Variants in PDSS1 observed in about 807,000 individuals in gnomAD.
The protein encoded by PDSS1 is all trans-polyprenyl-diphosphate synthase PDSS1.
PDSS1 carries 43 observed loss-of-function variants against 57.5 expected under a neutral mutation model. The observed-to-expected ratio is 0.75, with a 90% CI of 0.59 to 0.96. The LOEUF is 0.96. PDSS1 is among the 50% of genes least tolerant of loss of function. The pLI is 0.00. For synonymous variants in PDSS1, 175 were observed against 191.3 expected, an observed-to-expected ratio of 0.91 and a Z score of 0.70; for missense variants, 438 against 527.8, an observed-to-expected ratio of 0.83 and a Z score of 1.67.
intron 8 of PDSS1, among the ~76,000 whole-genome samples, 167 bp from the exon 9 acceptor site, chr10:26,735,073 G>A (rs1309788365): frequency 6.6e-6 from 1 of 152,178 alleles, no homozygotes; most frequent in African/African-American, 2.4e-5. Context: ...ATTCTTGACT[G>A]GAAATGCGGT....
At chr10:26,698,828 C>G (rs1195362970) in intron 1 of PDSS1, among the ~76,000 whole-genome samples, 2 of 152,104 alleles carry the variant, frequency 1.3e-5, no homozygotes, top group Non-Finnish European at 2.9e-5. Context: ...ACAAATTATC[C>G]AAAACAAGGC....
At chr10:26,735,124 G>A (rs1836346253) in intron 8 of PDSS1, 116 bp from the exon 9 acceptor site, 1 of 777,296 alleles carries the variant, frequency 1.3e-6, no homozygotes, top group Non-Finnish European at 2.4e-6. Flanking sequence ...AGCATCTCCT[G>A]AGTGTGTATA....
chr10:26,724,139 C>T lies in PDSS1; in HGVS notation c.831+16C>T. On this transcript the variant is annotated intron_variant, in intron 8 of 11. Transcript: ENST00000376215. The stretch of plus-strand genomic sequence containing the variant: ...TTGTAAAGCAGTATGTACGTTCTGT[C>T]TTTCTTCAAGTTAAAGCCTCATAGC... 1 of 1,540,826 alleles carries T rather than the reference C, an allele frequency of 6.5e-7. No individual in the cohort carries two copies. Among genetic ancestry groups the T allele is most frequent in the Non-Finnish European group, 9.0e-7 (1 of 1,113,128 alleles).
chr10:26,728,524 A>C (rs1245478807), intron 8 of PDSS1, among the ~76,000 whole-genome samples: 2 of 152,094 alleles, frequency 1.3e-5, no homozygotes, highest in Admixed American at 6.6e-5. Context: ...AGGTTTCTTC[A>C]ATCTAAAATT....
At chr10:26,738,166 A>G (rs1181226838) in intron 10 of PDSS1, among the ~76,000 whole-genome samples, 1 of 152,246 alleles carries the variant, frequency 6.6e-6, no homozygotes, top group Non-Finnish European at 1.5e-5. Context: ...TAATTCAGGT[A>G]AAAACAAGTT....
intron 10 of PDSS1, chr10:26,740,853 G>T: frequency 2.9e-6 from 1 of 341,372 alleles, no homozygotes; most frequent in Non-Finnish European, 5.9e-6. Flanking sequence ...GATCTAGGAA[G>T]TGAAGTGATT....
At chr10:26,721,484 G>A (rs1835784491) in intron 6 of PDSS1, among the ~76,000 whole-genome samples, 1 of 150,984 alleles carries the variant, frequency 6.6e-6, no homozygotes, top group South Asian at 2.1e-4. Flanking sequence ...ATCTTCACAT[G>A]CTGGTTTTAT....
At chr10:26,707,152 A>G (rs1449139100) in intron 4 of PDSS1, among the ~76,000 whole-genome samples, 1 of 152,084 alleles carries the variant, frequency 6.6e-6, no homozygotes, top group Non-Finnish European at 1.5e-5. Flanking sequence ...GAGCATGCTC[A>G]GTGTGTTTAC....
chr10:26,736,619 C>G (rs891257486), intron 10 of PDSS1, among the ~76,000 whole-genome samples: 1 of 152,102 alleles, frequency 6.6e-6, no homozygotes, highest in African/African-American at 2.4e-5. Context: ...TAGCCATTGG[C>G]AGCATGATTC....
chr10:26,703,898 G>A (rs564049912), intron 2 of PDSS1, among the ~76,000 whole-genome samples: 3 of 151,710 alleles, frequency 2.0e-5, no homozygotes, highest in East Asian at 1.9e-4. Context: ...TGGCTAACAC[G>A]GTGAAACCCC....
rs1836895212 is a variant in PDSS1 at position 26,746,256 on chromosome 10, A to G, written c.1108-77A>G. 4 of 1,411,188 alleles carry G rather than the reference A, an allele frequency of 2.8e-6. No homozygotes were observed. In the Admixed American group the frequency reaches 5.0e-5, roughly 18 times the overall value. 87.4% of individuals were successfully genotyped at this position (1,411,188 alleles called of 1,614,324 possible). On this transcript the variant is annotated intron_variant, in intron 11 of 11. Coordinates refer to ENST00000376215, the MANE Select transcript of PDSS1 (RefSeq NM_014317.5). ...CATCTGATCTCAAAACTATGTGTTC[A>G]TTTATTATAGCAGGAAGTTAAAACG...
intron 11 of PDSS1, among the ~76,000 whole-genome samples, chr10:26,744,639 G>A (rs1426180233): frequency 1.3e-5 from 2 of 151,874 alleles, no homozygotes; most frequent in African/African-American, 2.4e-5. Context: ...CGCCCGCCTC[G>A]GCCTCCCAAA....
At chr10:26,745,596 C>T (rs1038693398) in intron 11 of PDSS1, among the ~76,000 whole-genome samples, 7 of 152,126 alleles carry the variant, frequency 4.6e-5, no homozygotes, top group African/African-American at 1.4e-4. Flanking sequence ...CCTGTAATCC[C>T]AGCACTTTGG....
intron 2 of PDSS1, among the ~76,000 whole-genome samples, chr10:26,702,538 C>T (rs1431777660): frequency 6.6e-6 from 1 of 152,158 alleles, no homozygotes; most frequent in African/African-American, 2.4e-5. Context: ...AAGAAGGTGC[C>T]TTGCTTTCCC....
chr10:26,715,017 G>T (rs1328527168), intron 5 of PDSS1: 1 of 152,174 alleles, frequency 6.6e-6, no homozygotes, highest in Admixed American at 6.5e-5. Context: ...CAAAGGTCAG[G>T]CCACTAACAA....
At position 26,705,304 on chromosome 10, in the gene PDSS1, A is replaced by G; in HGVS notation, c.246A>G (p.Pro82=). The G allele has an allele frequency of 6.2e-7, 1 of 1,611,080 alleles. No homozygotes were observed. The highest frequency in any genetic ancestry group is 8.5e-7 in the Non-Finnish European group (1 of 1,177,392). Residue 82 remains proline (P), a synonymous_variant, in exon 4 of 12, where the codon CCA becomes CCG. Coordinates refer to ENST00000376215, the MANE Select transcript of PDSS1 (RefSeq NM_014317.5). ...GTCCCAGGTTTCATCACACAACCCCAGACAGTAAAACACACAGTGGTGAAA... is the reference window on the plus strand; with the variant it reads ...GTCCCAGGTTTCATCACACAACCCCGGACAGTAAAACACACAGTGGTGAAA... ...CRISRFHHTT[P]DSKTHSGEKY...
At chr10:26,700,465 A>G (rs958487560) in intron 1 of PDSS1, among the ~76,000 whole-genome samples, 6 of 151,998 alleles carry the variant, frequency 3.9e-5, no homozygotes, top group African/African-American at 1.4e-4. Flanking sequence ...GCCCACCCAC[A>G]TCTATCTCGA....
Position 26,735,550 on chromosome 10 carries a change from A to G in PDSS1, c.997A>G (p.Thr333Ala). 3 of 1,613,524 alleles carry G rather than the reference A, an allele frequency of 1.9e-6. No individual in the cohort carries two copies. The highest frequency in any genetic ancestry group is 1.3e-5 in the African/African-American group (1 of 75,046). Reference sequence around the variant, plus strand: ...AGCTGATCTGAAGCTCGGGTTAGCCACTGGTCCTGTCCTGTTTGCCTGTCA... The same window carrying G: ...AGCTGATCTGAAGCTCGGGTTAGCCGCTGGTCCTGTCCTGTTTGCCTGTCA... The part of the protein sequence containing the change: ...TSADLKLGLA[T>A]GPVLFACQQF... The change falls in exon 10 of 12, where the codon ACT (threonine) becomes GCT (alanine). Residue 333 changes from threonine (T) to alanine (A), a missense_variant. Around this residue, in one of 2 missense-constraint regions of PDSS1, gnomAD observed 284 missense variants for 390.7 expected, o/e 0.73. Transcript: ENST00000376215.
At chr10:26,740,568 T>A (rs1384107469) in intron 10 of PDSS1, 1 of 448,930 alleles carries the variant, frequency 2.2e-6, no homozygotes, top group African/African-American at 2.0e-5. Flanking sequence ...GCGGCTTTTC[T>A]ATGTATGCCC....
Sources: gnomAD v4.1 joint callset for allele counts (sites outside exome capture counted in the v4.1 genomes callset) on GRCh38, gnomAD v4.1.1 for gene constraint, gnomAD v4.1.1 regional missense constraint, MANE v1.5 for transcripts, NCBI Gene and HGNC (gene_info 2026-07-23, HGNC 2026-07-21) for gene names.